Variants in DLGAP5 observed in about 807,000 individuals in gnomAD.
DLGAP5 encodes the protein disks large-associated protein 5.
Under a neutral mutation model 99.6 loss-of-function variants are expected in DLGAP5, and 90 were observed. That is an observed-to-expected ratio of 0.90 (90% CI 0.76 to 1.08). The LOEUF is 1.08. DLGAP5 is among the 50% of genes least tolerant of loss of function. The pLI is 0.00. For missense variants in DLGAP5, 1,036 were observed against 983.5 expected, an observed-to-expected ratio of 1.05 and a Z score of -0.71; for synonymous variants, 311 against 321.3, an observed-to-expected ratio of 0.97 and a Z score of 0.34.
At position 55,188,966 on chromosome 14, in the gene DLGAP5, G is replaced by C. The variant is rs1391560319; in HGVS notation, c.214C>G (p.Pro72Ala). 6.2e-7 allele frequency: 1 copy of C among 1,613,210 alleles called. No individual in the cohort carries two copies. The highest frequency in any genetic ancestry group is 1.3e-5 in the African/African-American group (1 of 74,880). Reference protein sequence around the residue: ...ELDETSQGLVPEKTNVKPRAM... With the variant: ...ELDETSQGLVAEKTNVKPRAM... ...CTTGGCTTAACATTGGTCTTTTCTG[G>C]AACAAGCCCTTGAGATGTCTCATCT... is the stretch of plus-strand genomic sequence containing the variant. The change falls in exon 2 of 19, where the codon CCA (proline) becomes GCA (alanine). Residue 72 changes from proline (P) to alanine (A), a missense_variant. Transcript: ENST00000247191.
chr14:55,184,646 G>A (rs996601907), intron 2 of DLGAP5, among the ~76,000 whole-genome samples: 1 of 152,150 alleles, frequency 6.6e-6, no homozygotes, highest in Non-Finnish European at 1.5e-5. Context: ...AGCGTCGCTT[G>A]CTCTGGGAGA....
chr14:55,190,706 T>C (rs557920697), intron 1 of DLGAP5, among the ~76,000 whole-genome samples: 4 of 152,210 alleles, frequency 2.6e-5, no homozygotes, highest in South Asian at 4.1e-4. Flanking sequence ...CAACAAAATA[T>C]AAAAAACGAG....
chr14:55,177,810 T>C (rs1256816632), intron 7 of DLGAP5, among the ~76,000 whole-genome samples: 1 of 151,770 alleles, frequency 6.6e-6, no homozygotes, highest in Non-Finnish European at 1.5e-5. Flanking sequence ...GTGCTGGGAT[T>C]ACAGGCGGGA....
intron 2 of DLGAP5, among the ~76,000 whole-genome samples, chr14:55,186,933 C>A (rs149039556): frequency 6.6e-6 from 1 of 152,020 alleles, no homozygotes; most frequent in Admixed American, 6.5e-5. Flanking sequence ...TTTTTTGAGA[C>A]GGAGTCTCAC....
In DLGAP5 at chr14:55,176,935, G is replaced by A. The variant is rs12589321; in HGVS notation, c.1049+127C>T. On this transcript the variant is annotated intron_variant, in intron 8 of 18. Transcript: ENST00000247191. ...GGAGCTTACAGTGAGGGGAGATCAC[G>A]CCACTGCACTCCAGCCTGGGCGACA... 614 of 715,204 alleles carry A rather than the reference G, an allele frequency of 8.6e-4. 11 individuals carry two copies. In the East Asian group the frequency reaches 0.023, roughly 27 times the overall value. The allele number at this position is 715,204 out of a possible 1,614,324, so 44.3% of individuals were successfully genotyped here. A position where few individuals can be genotyped will look rare whatever the true frequency, so the allele number is the denominator to read the frequency against.
At chr14:55,171,110 A>T (rs10141962) in intron 10 of DLGAP5, among the ~76,000 whole-genome samples, 4,049 of 152,312 alleles carry the variant, frequency 0.027, 174 homozygotes, top group African/African-American at 0.093. Flanking sequence ...AATGTGCATC[A>T]GATTCTCAGC....
chr14:55,151,230 G>A (rs987780909), intron 17 of DLGAP5, among the ~76,000 whole-genome samples: 37 of 152,042 alleles, frequency 2.4e-4, no homozygotes, highest in Admixed American at 2.0e-3. Flanking sequence ...AAAAATATAG[G>A]AGCCATTTCC....
intron 6 of DLGAP5, among the ~76,000 whole-genome samples, chr14:55,180,119 G>A (rs906879306): frequency 6.6e-6 from 1 of 152,032 alleles, no homozygotes; most frequent in East Asian, 1.9e-4. Context: ...TTTGATTAGG[G>A]TTGCTCAGCC....
intron 4 of DLGAP5, among the ~76,000 whole-genome samples, chr14:55,181,701 T>C (rs963426016): frequency 6.6e-6 from 1 of 152,178 alleles, no homozygotes; most frequent in African/African-American, 2.4e-5. Context: ...TCAAAAGGCT[T>C]TCATCTCAGG....
At chr14:55,179,844 T>C in intron 6 of DLGAP5, 145 bp from the exon 7 acceptor site, 1 of 630,398 alleles carries the variant, frequency 1.6e-6, no homozygotes, top group South Asian at 2.4e-5. Flanking sequence ...AAAAGGGTTA[T>C]GGAATTTCCT....
chr14:55,163,551 G>T (rs1882520775), intron 12 of DLGAP5, among the ~76,000 whole-genome samples: 1 of 152,214 alleles, frequency 6.6e-6, no homozygotes, highest in African/African-American at 2.4e-5. Context: ...GAGCGCAATT[G>T]CTAGATCGTA....
intron 9 of DLGAP5, 139 bp from the exon 10 acceptor site, chr14:55,175,611 C>T (rs1463042927): frequency 4.5e-6 from 3 of 663,010 alleles, no homozygotes; most frequent in East Asian, 5.8e-5. Flanking sequence ...TTCACATTTC[C>T]TCTAAAGTAG....
intron 12 of DLGAP5, among the ~76,000 whole-genome samples, chr14:55,164,937 A>AAAAGG (rs371578269): frequency 7.1e-6 from 1 of 141,810 alleles, no homozygotes; most frequent in East Asian, 2.0e-4. Context: ...AAAAAAAAAA[A>AAAAGG]GAGAAATTTG....
At chr14:55,160,674 C>A (rs1408428523) in intron 13 of DLGAP5, among the ~76,000 whole-genome samples, 1 of 151,810 alleles carries the variant, frequency 6.6e-6, no homozygotes, top group African/African-American at 2.4e-5. Context: ...TTGAACTGAC[C>A]TCAGGTGATC....
chr14:55,173,340 G>A (rs1433468889), intron 10 of DLGAP5, among the ~76,000 whole-genome samples: 1 of 151,250 alleles, frequency 6.6e-6, no homozygotes, highest in African/African-American at 2.4e-5. Context: ...GCAGGAGGAT[G>A]GCTTGAGCTC....
At chr14:55,181,742 C>T (rs1883284063) in intron 4 of DLGAP5, among the ~76,000 whole-genome samples, 1 of 152,200 alleles carries the variant, frequency 6.6e-6, no homozygotes, top group Non-Finnish European at 1.5e-5. Context: ...AATCAAAATT[C>T]TACCCCATAC....
intron 2 of DLGAP5, among the ~76,000 whole-genome samples, chr14:55,188,543 A>G (rs1173075614): frequency 1.1e-4 from 17 of 152,180 alleles, no homozygotes; most frequent in Admixed American, 1.1e-3. Flanking sequence ...CTATGAAGCA[A>G]TATAGATAAT....
In DLGAP5 at chr14:55,177,319, G is replaced by A. The variant is rs1454697405; in HGVS notation, c.792C>T (p.Val264=). 4 of 1,599,118 alleles carry A rather than the reference G, an allele frequency of 2.5e-6. No individual in the cohort carries two copies. Among genetic ancestry groups the A allele is most frequent in the Non-Finnish European group, 3.4e-6 (4 of 1,174,170 alleles). The change falls in exon 8 of 19, where the codon GTC becomes GTT. Residue 264 remains valine, a synonymous_variant. Transcript: ENST00000247191. ...TKPDKGISCK[V]DSEENTLNSQ... is the part of the protein sequence containing the mutation. ...AATTCAAAGTATTTTCTTCACTATCGACTTTACAAGAAATACCCTAGGATG... is the reference window on the plus strand; with the variant it reads ...AATTCAAAGTATTTTCTTCACTATCAACTTTACAAGAAATACCCTAGGATG...
intron 8 of DLGAP5, among the ~76,000 whole-genome samples, chr14:55,176,707 G>A (rs1456104163): frequency 6.6e-6 from 1 of 152,048 alleles, no homozygotes; most frequent in South Asian, 2.1e-4. Context: ...GGCCGGGCGC[G>A]GTGGCTCACG....
Sources: allele counts gnomAD v4.1 joint callset (sites outside exome capture counted in the v4.1 genomes callset), GRCh38; gene constraint gnomAD v4.1.1; transcripts MANE v1.5; gene names NCBI Gene and HGNC (gene_info 2026-07-23, HGNC 2026-07-21).